Variants in RBFOX1 observed in about 807,000 individuals in gnomAD.
RBFOX1 encodes RNA binding protein fox-1 homolog 1.
Under a neutral mutation model 57.7 loss-of-function variants are expected in RBFOX1, and 8 were observed. That is an observed-to-expected ratio of 0.14 (90% CI 0.08 to 0.25). The LOEUF is 0.25. RBFOX1 is among the 10% of genes least tolerant of loss of function. The probability of loss-of-function intolerance (pLI) is 1.00; values close to 1 mark genes in which losing one functional copy is unlikely to be tolerated. For missense variants in RBFOX1, 611 were observed against 548.5 expected (o/e 1.11, Z -1.14); for synonymous variants, 326 against 222.4 (o/e 1.47, Z -4.15).
At chr16:6,871,308 C>G (rs1337411554) in intron 3 of RBFOX1, among the ~76,000 whole-genome samples, 1 of 152,140 alleles carries the variant, frequency 6.6e-6, no homozygotes, top group Non-Finnish European at 1.5e-5. Flanking sequence ...GCATCAACTT[C>G]CTGAGTAGCT....
At chr16:7,246,302 G>A (rs768784707) in intron 4 of RBFOX1, among the ~76,000 whole-genome samples, 91 of 152,256 alleles carry the variant, frequency 6.0e-4, no homozygotes, top group Middle Eastern at 6.8e-3. Flanking sequence ...GGCAGCTCCA[G>A]CAGCACCCTC....
At chr16:5,366,629 G>T in intron 1 of RBFOX1, 1 of 414,342 alleles carries the variant, frequency 2.4e-6, no homozygotes, top group East Asian at 6.5e-5. Context: ...GTGAAGAATT[G>T]CTTCTGGATG....
At chr16:7,465,248 T>G (rs762139148) in intron 4 of RBFOX1, among the ~76,000 whole-genome samples, 1 of 152,218 alleles carries the variant, frequency 6.6e-6, no homozygotes, top group Non-Finnish European at 1.5e-5. Context: ...TAGAGGATCC[T>G]CTGATAAGCC....
intron 10 of RBFOX1, among the ~76,000 whole-genome samples, chr16:7,610,775 C>T (rs913702773): frequency 2.6e-5 from 4 of 152,208 alleles, no homozygotes; most frequent in Admixed American, 1.3e-4. Context: ...TTTCAGGCAC[C>T]TGCATCTATG....
At chr16:7,191,370 A>G (rs1159816584) in intron 4 of RBFOX1, among the ~76,000 whole-genome samples, 2 of 151,480 alleles carry the variant, frequency 1.3e-5, no homozygotes, top group Non-Finnish European at 1.5e-5. Context: ...TTGCTACAAT[A>G]TTTCCTGGAT....
chr16:7,658,805 A>ACCT (rs938723525), intron 12 of RBFOX1, among the ~76,000 whole-genome samples: 5 of 152,002 alleles, frequency 3.3e-5, no homozygotes, highest in African/African-American at 9.7e-5. Flanking sequence ...GCTCACTGCA[A>ACCT]CCTCCTCCTC....
chr16:6,066,061 C>T (rs62017372), intron 1 of RBFOX1, among the ~76,000 whole-genome samples: 47,115 of 151,836 alleles, frequency 0.31, 8,328 homozygotes, highest in Non-Finnish European at 0.4. Flanking sequence ...TTTGGGAGGC[C>T]GAGGAGGGTG....
At chr16:7,566,394 A>C (rs975966281) in intron 5 of RBFOX1, among the ~76,000 whole-genome samples, 1 of 152,164 alleles carries the variant, frequency 6.6e-6, no homozygotes, top group Non-Finnish European at 1.5e-5. Context: ...TGTACTTTGC[A>C]GCTGCTCTAC....
chr16:6,421,776 G>T (rs544013193), intron 2 of RBFOX1, among the ~76,000 whole-genome samples: 3 of 152,118 alleles, frequency 2.0e-5, no homozygotes, highest in African/African-American at 7.2e-5. Flanking sequence ...TCTCAACCTT[G>T]GCCCAGCTCT....
intron 4 of RBFOX1, among the ~76,000 whole-genome samples, chr16:5,950,731 C>G (rs889132687): frequency 2.6e-5 from 4 of 152,182 alleles, no homozygotes; most frequent in African/African-American, 9.6e-5. Flanking sequence ...CTACTGGGTA[C>G]TCATTTCAGG....
chr16:7,137,112 T>C (rs2072242647), intron 4 of RBFOX1, among the ~76,000 whole-genome samples: 1 of 152,198 alleles, frequency 6.6e-6, no homozygotes, highest in Admixed American at 6.5e-5. Flanking sequence ...AGTTAGATAG[T>C]CTAAAATAAA....
chr16:6,168,259 C>G (rs1166636403), intron 1 of RBFOX1, among the ~76,000 whole-genome samples: 1 of 152,178 alleles, frequency 6.6e-6, no homozygotes, highest in Non-Finnish European at 1.5e-5. Context: ...AAGAAGAAAT[C>G]GTGCATGGTG....
chr16:5,685,078 C>T (rs1045367665), intron 3 of RBFOX1, among the ~76,000 whole-genome samples: 1 of 152,048 alleles, frequency 6.6e-6, no homozygotes, highest in African/African-American at 2.4e-5. Flanking sequence ...ATGAATTGGT[C>T]TCATAAGCAG....
chr16:7,217,703 C>G (rs1479889608), intron 4 of RBFOX1, among the ~76,000 whole-genome samples: 1 of 152,080 alleles, frequency 6.6e-6, no homozygotes, highest in East Asian at 1.9e-4. Context: ...TGAAGAGTCA[C>G]CATTCAATTT....
intron 4 of RBFOX1, among the ~76,000 whole-genome samples, chr16:6,002,245 C>G (rs2060614756): frequency 6.6e-6 from 1 of 152,144 alleles, no homozygotes; most frequent in Non-Finnish European, 1.5e-5. Context: ...CCAAAGTTCT[C>G]ATTTTATAGG....
intron 4 of RBFOX1, among the ~76,000 whole-genome samples, chr16:7,471,585 A>G (rs2150939895): frequency 6.6e-6 from 1 of 152,310 alleles, no homozygotes; most frequent in South Asian, 2.1e-4. Flanking sequence ...CTATTCCCTA[A>G]TTTATAATAA....
At chr16:6,253,695 G>GTATATA (rs1170735963) in intron 1 of RBFOX1, among the ~76,000 whole-genome samples, 1 of 96,214 alleles carries the variant, frequency 1.0e-5, no homozygotes, top group African/African-American at 3.0e-5. Context: ...GTGTGTGTGT[G>GTATATA]TGTGTATATA....
chr16:7,590,819 A>G (rs1457723768), intron 7 of RBFOX1, among the ~76,000 whole-genome samples: 1 of 149,336 alleles, frequency 6.7e-6, no homozygotes, highest in Non-Finnish European at 1.5e-5. Flanking sequence ...AGATCAAGAC[A>G]TTGCATTCCA....
At chr16:6,676,742 C>T (rs1479641156) in intron 3 of RBFOX1, among the ~76,000 whole-genome samples, 11 of 136,522 alleles carry the variant, frequency 8.1e-5, no homozygotes, top group Non-Finnish European at 1.5e-4. Context: ...ATGGTGCGAT[C>T]AAGGGTCACT....
Sources: allele counts gnomAD v4.1 joint callset (sites outside exome capture counted in the v4.1 genomes callset), GRCh38; gene constraint gnomAD v4.1.1; transcripts MANE v1.5; gene names NCBI Gene and HGNC (gene_info 2026-07-23, HGNC 2026-07-21).